Variants in TMEM68 observed in about 807,000 individuals in gnomAD.
TMEM68 encodes DGAT1/2-independent enzyme synthesizing storage lipids.
A neutral mutation model predicts 36.9 loss-of-function variants in TMEM68; 25 were observed. The observed-to-expected ratio is 0.68, with a 90% CI of 0.49 to 0.95. The LOEUF is 0.95. Among genes scored for constraint, TMEM68 ranks in the 40% least tolerant of loss-of-function variants. TMEM68 has a pLI of 0.00. For missense variants in TMEM68, 333 were observed against 392.0 expected (o/e 0.85, Z 1.27); for synonymous variants, 131 against 124.4 (o/e 1.05, Z -0.35).
intron 5 of TMEM68, among the ~76,000 whole-genome samples, chr8:55,749,484 T>G (rs1024968177): frequency 6.6e-6 from 1 of 152,204 alleles, no homozygotes; most frequent in African/African-American, 2.4e-5. Context: ...CACATATATA[T>G]TACTGAAAGA....
In TMEM68 at chr8:55,751,071, C is replaced by G; in HGVS notation, c.580G>C (p.Ala194Pro). 6.2e-7 allele frequency: 1 copy of G among 1,614,108 alleles called. No individual in the cohort carries two copies. The highest frequency in any genetic ancestry group is 2.2e-5 in the East Asian group (1 of 44,878). ...VEILRSGHLL[A>P]ISPGGVREAL... is the part of the protein sequence containing the mutation. ...TCTCGAACTCCACCTGGTGAGATAG[C>G]TAACAAGTGGCCACTCCTCAGAATT... The change falls in exon 5 of 8, where the codon GCT (alanine) becomes CCT (proline). Residue 194 changes from alanine (A) to proline (P), a missense_variant. Coordinates refer to ENST00000434581, the MANE Select transcript of TMEM68 (RefSeq NM_001286657.2).
intron 2 of TMEM68, 112 bp from the exon 3 acceptor site, chr8:55,763,140 G>T: frequency 1.9e-6 from 1 of 518,388 alleles, no homozygotes; most frequent in Non-Finnish European, 3.2e-6. Context: ...ATGAGTAGAT[G>T]GTTAATGGTT....
Position 55,745,135 on chromosome 8 carries a change from G to T in TMEM68, c.688-14C>A. 4 of 1,435,850 alleles carry T rather than the reference G, an allele frequency of 2.8e-6. No homozygotes were observed. The highest frequency in any genetic ancestry group is 3.7e-6 in the Non-Finnish European group (4 of 1,083,732). The allele number at this position is 1,435,850 out of a possible 1,614,324, so 88.9% of individuals were successfully genotyped here. A position where few individuals can be genotyped will look rare whatever the true frequency, so the allele number is the denominator to read the frequency against. On this transcript the variant is annotated splice_polypyrimidine_tract_variant and intron_variant, in intron 5 of 7. Coordinates refer to ENST00000434581, the MANE Select transcript of TMEM68 (RefSeq NM_001286657.2). ...AGGAATAATGGGCTAAAGAAAAGGA[G>T]AATTTGAATTAAAAAGTAAATAAAT...
intron 6 of TMEM68, among the ~76,000 whole-genome samples, chr8:55,744,353 T>C (rs1267291698): frequency 7.0e-6 from 1 of 143,722 alleles, no homozygotes; most frequent in Non-Finnish European, 1.5e-5. Flanking sequence ...TCGCCCAGGC[T>C]GGAGTGCAGT....
At chr8:55,766,039 C>T (rs1305437394) in intron 1 of TMEM68, among the ~76,000 whole-genome samples, 3 of 152,096 alleles carry the variant, frequency 2.0e-5, no homozygotes, top group African/African-American at 4.8e-5. Context: ...CTAGTAAATA[C>T]ATGCTAGGTC....
Position 55,769,537 on chromosome 8 carries a change from T to C in TMEM68, c.-115+3732A>G, listed in dbSNP as rs373590121. Among the ~76,000 whole-genome samples the C allele has an allele frequency of 2.0e-5, 3 of 152,128 alleles. No individual in the cohort carries two copies. In the East Asian group the frequency reaches 5.8e-4, roughly 29 times the overall value. On this transcript the variant is annotated intron_variant, in intron 1 of 7. Coordinates refer to ENST00000434581, the MANE Select transcript of TMEM68 (RefSeq NM_001286657.2). ...ATTCTAAATATATCAGTAAATAAAATAGTTATCTAAGAAAACATACGAAAA... is the reference window on the plus strand; with the variant it reads ...ATTCTAAATATATCAGTAAATAAAACAGTTATCTAAGAAAACATACGAAAA...
At chr8:55,742,780 A>C (rs181337739) in intron 7 of TMEM68, among the ~76,000 whole-genome samples, 1 of 152,168 alleles carries the variant, frequency 6.6e-6, no homozygotes, top group Non-Finnish European at 1.5e-5. Flanking sequence ...AAAAAAGAAA[A>C]AAAGGAGAAC....
intron 5 of TMEM68, among the ~76,000 whole-genome samples, chr8:55,749,670 G>C (rs1002591919): frequency 1.3e-5 from 2 of 152,084 alleles, no homozygotes; most frequent in African/African-American, 4.8e-5. Context: ...CTCTGTGCCT[G>C]AGTCTCCTCA....
In TMEM68 at chr8:55,739,567, T is replaced by A. The variant is rs1810035045; in HGVS notation, c.*565A>T. The A allele has an allele frequency of 1.3e-5, 2 of 152,662 alleles. No individual in the cohort carries two copies. Among genetic ancestry groups the A allele is most frequent in the Non-Finnish European group, 2.9e-5 (2 of 68,054 alleles). The allele number at this position is 152,662 out of a possible 1,614,324, so 9.5% of individuals were successfully genotyped here. ...GACATTGTTTAAATTAATTATTTTA[T>A]TATTTTGGTTCAACAGTTATCAATC... On this transcript the variant is annotated 3_prime_UTR_variant, in exon 8 of 8. Transcript: ENST00000434581.
chr8:55,754,832 A>G (rs1357774740), intron 4 of TMEM68, among the ~76,000 whole-genome samples: 1 of 132,912 alleles, frequency 7.5e-6, no homozygotes, highest in East Asian at 2.0e-4. Flanking sequence ...TAAAATACAT[A>G]TATTATGTAA....
chr8:55,743,546 G>A lies in TMEM68; in HGVS notation c.823C>T (p.Arg275Trp), dbSNP rs1810168271. The change falls in exon 7 of 8, where the codon CGG becomes TGG. Residue 275 changes from arginine (R) to tryptophan (W), a missense_variant. Arg to Trp is a moderately radical substitution (Grantham distance 101). Coordinates refer to ENST00000434581, the MANE Select transcript of TMEM68 (RefSeq NM_001286657.2). ...GGAATGGGGTCGCCTAAATAGGTCC[G>A]TAACTTCACTGGAAAACCTCCATAC... The part of the protein sequence containing the change: ...PMYGGFPVKL[R>W]TYLGDPIPYD... The A allele has an allele frequency of 3.3e-6, 5 of 1,535,724 alleles. No individual in the cohort carries two copies. The highest frequency in any genetic ancestry group is 2.0e-5 in the Admixed American group (1 of 50,970).
Position 55,740,097 on chromosome 8 carries a change from A to G in TMEM68, c.*35T>C, listed in dbSNP as rs1311004458. 14 of 1,529,330 alleles carry G rather than the reference A, an allele frequency of 9.2e-6. No homozygotes were observed. The highest frequency in any genetic ancestry group is 9.9e-6 in the Non-Finnish European group (11 of 1,109,190). 94.7% of individuals were successfully genotyped at this position (1,529,330 alleles called of 1,614,324 possible). On this transcript the variant is annotated 3_prime_UTR_variant, in exon 8 of 8. Coordinates refer to ENST00000434581, the MANE Select transcript of TMEM68 (RefSeq NM_001286657.2). ...CCTTAGATACAAACATTTAATATAA[A>G]TGTACTAAATCATCTTCTAGTTGAC...
chr8:55,743,196 C>T (rs143907307), intron 7 of TMEM68, among the ~76,000 whole-genome samples: 2 of 152,220 alleles, frequency 1.3e-5, no homozygotes, highest in African/African-American at 4.8e-5. Flanking sequence ...TTCCAAAAAC[C>T]TATGCATAGG....
chr8:55,750,971 G>A lies in TMEM68; in HGVS notation c.680C>T (p.Ala227Val). 1 of 1,600,962 alleles carries A rather than the reference G, an allele frequency of 6.2e-7. No individual in the cohort carries two copies. Among genetic ancestry groups the A allele is most frequent in the Non-Finnish European group, 8.5e-7 (1 of 1,176,620 alleles). ...TAATTTTATATAACTCACCACTTTT[G>A]CATCAATTGCAACCTGAGCAAAGCC... ...RRGFAQVAID[A>V]KVPIIPMFTQ... Residue 227 changes from alanine (A) to valine (V), a missense_variant, in exon 5 of 8, where the codon GCA (alanine) becomes GTA (valine). By Grantham distance (64) the Ala-to-Val change is moderately conservative. Coordinates refer to ENST00000434581, the MANE Select transcript of TMEM68 (RefSeq NM_001286657.2).
At chr8:55,749,243 C>T (rs1294533769) in intron 5 of TMEM68, among the ~76,000 whole-genome samples, 1 of 152,146 alleles carries the variant, frequency 6.6e-6, no homozygotes, top group Non-Finnish European at 1.5e-5. Context: ...TGTATTATAT[C>T]AAAAAGTCTG....
rs1658546719 is a variant in TMEM68 at position 55,751,017 on chromosome 8, T to C, written c.634A>G (p.Ile212Val). 12 of 1,613,952 alleles carry C rather than the reference T, an allele frequency of 7.4e-6. No homozygotes were observed. Among genetic ancestry groups the C allele is most frequent in the Admixed American group, 1.7e-5 (1 of 59,926 alleles). ...AAGCCTCTGCGATGACCCCATACGA[T>C]GTTATAAGTTTCATCACTAATTAGG... The part of the protein sequence containing the change: ...EALISDETYN[I>V]VWGHRRGFAQ... Residue 212 changes from isoleucine (I) to valine (V), a missense_variant, in exon 5 of 8, where the codon ATC (isoleucine) becomes GTC (valine). Ile to Val is a conservative substitution (Grantham distance 29, BLOSUM62 3). Coordinates refer to ENST00000434581, the MANE Select transcript of TMEM68 (RefSeq NM_001286657.2).
intron 4 of TMEM68, among the ~76,000 whole-genome samples, chr8:55,754,159 C>T (rs1372536373): frequency 6.8e-6 from 1 of 148,088 alleles, no homozygotes; most frequent in Non-Finnish European, 1.5e-5. Flanking sequence ...GGCATGGTGG[C>T]TCGTGCCTAT....
chr8:55,744,162 C>G (rs1364573529), intron 6 of TMEM68, among the ~76,000 whole-genome samples: 2 of 150,426 alleles, frequency 1.3e-5, no homozygotes, highest in Non-Finnish European at 3.0e-5. Flanking sequence ...GCAAAATAAA[C>G]TAGGTAAAGA....
chr8:55,743,376 G>A, intron 7 of TMEM68, 105 bp downstream of exon 7: 3 of 1,357,896 alleles, frequency 2.2e-6, no homozygotes, highest in East Asian at 2.5e-5. Flanking sequence ...GAGAACCACT[G>A]ACCTAGACAT....
Sources: allele counts gnomAD v4.1 joint callset (sites outside exome capture counted in the v4.1 genomes callset), GRCh38; gene constraint gnomAD v4.1.1; transcripts MANE v1.5; gene names NCBI Gene and HGNC (gene_info 2026-07-23, HGNC 2026-07-21).